TRIM61: variants seen among roughly 807,000 people sequenced by gnomAD.
TRIM61 encodes tripartite motif containing 61, also known as putative tripartite motif-containing protein 61.
TRIM61 carries 1 observed loss-of-function variant against 14.2 expected under a neutral mutation model. The observed-to-expected ratio is 0.07, with a 90% CI of 0.03 to 0.33. The LOEUF (loss-of-function observed/expected upper bound fraction) is 0.33. Ranked by LOEUF, TRIM61 falls within the 10% of genes least tolerant of loss-of-function variation. The probability of loss-of-function intolerance (pLI) is 0.99; values close to 1 mark genes in which losing one functional copy is unlikely to be tolerated. For missense variants in TRIM61, 19 were observed against 202.2 expected (o/e 0.09, Z 5.49); for synonymous variants, 8 against 71.6 (o/e 0.11, Z 4.49).
At chr4:164,966,221 G>A (rs1732236032) in intron 3 of TRIM61, among the ~76,000 whole-genome samples, 1 of 152,196 alleles carries the variant, frequency 6.6e-6, no homozygotes. Flanking sequence ...AAAGCATACT[G>A]AAGGTCAGTA....
At chr4:164,958,798 G>T (rs576811221) in intron 3 of TRIM61, 2 of 166,968 alleles carry the variant, frequency 1.2e-5, no homozygotes, top group Non-Finnish European at 2.9e-5. Context: ...AACCTCCTGG[G>T]TCATGCCATC....
chr4:164,963,691 C>A (rs966124403), intron 3 of TRIM61, among the ~76,000 whole-genome samples: 1 of 150,618 alleles, frequency 6.6e-6, no homozygotes, highest in Non-Finnish European at 1.5e-5. Context: ...TTGTAGTAAG[C>A]CGAGATTGTG....
At chr4:164,965,494 C>T (rs1055106135) in intron 3 of TRIM61, among the ~76,000 whole-genome samples, 1 of 136,638 alleles carries the variant, frequency 7.3e-6, no homozygotes, top group African/African-American at 2.8e-5. Flanking sequence ...AGTGCAGTGG[C>T]GCGATCTCGG....
chr4:164,963,744 CAAAA>C (rs70952672), intron 3 of TRIM61, among the ~76,000 whole-genome samples: 4 of 117,104 alleles, frequency 3.4e-5, no homozygotes, highest in Non-Finnish European at 5.5e-5. Context: ...AACTCTGTTT[CAAAA>C]AAAAAAAAAA....
At chr4:164,975,289 T>C (rs1404444857) in intron 2 of TRIM61, among the ~76,000 whole-genome samples, 2 of 149,726 alleles carry the variant, frequency 1.3e-5, no homozygotes, top group African/African-American at 4.9e-5. Flanking sequence ...CAGAGCATCA[T>C]TGCAAAAAAT....
intron 2 of TRIM61, among the ~76,000 whole-genome samples, chr4:164,973,719 C>G (rs1384510562): frequency 6.6e-6 from 1 of 152,150 alleles, no homozygotes; most frequent in Non-Finnish European, 1.5e-5. Context: ...GCATTTAACC[C>G]ATGTACAATA....
chr4:164,955,834 T>G (rs1172115692), intron 3 of TRIM61, among the ~76,000 whole-genome samples: 4 of 151,910 alleles, frequency 2.6e-5, no homozygotes, highest in Non-Finnish European at 5.9e-5. Flanking sequence ...TTAAACTAAT[T>G]TGGCAGTTTT....
chr4:164,962,257 G>A (rs921073878), intron 3 of TRIM61, among the ~76,000 whole-genome samples: 1 of 136,456 alleles, frequency 7.3e-6, no homozygotes, highest in East Asian at 2.1e-4. Context: ...GTGTTGCTCT[G>A]TCACCCAGGC....
chr4:164,963,191 G>A (rs898738912), intron 3 of TRIM61, among the ~76,000 whole-genome samples: 1 of 152,066 alleles, frequency 6.6e-6, no homozygotes, highest in African/African-American at 2.4e-5. Flanking sequence ...CTGTGATTCT[G>A]CCTATGAATA....
At chr4:164,957,076 C>A in intron 3 of TRIM61, 2 of 1,540,446 alleles carry the variant, frequency 1.3e-6, no homozygotes, top group East Asian at 2.4e-5. Flanking sequence ...CCGGACCCAG[C>A]GCCTGGAGAG....
At chr4:164,973,554 AT>A in intron 2 of TRIM61, among the ~76,000 whole-genome samples, 1 of 152,346 alleles carries the variant, frequency 6.6e-6, no homozygotes, top group Middle Eastern at 3.4e-3. Context: ...ACCTAACAGA[AT>A]TGGGTTTTCA....
At chr4:164,963,360 G>A (rs1298432044) in intron 3 of TRIM61, among the ~76,000 whole-genome samples, 2 of 152,120 alleles carry the variant, frequency 1.3e-5, no homozygotes, top group Non-Finnish European at 2.9e-5. Flanking sequence ...AACAGAGAAC[G>A]CAAAATAAGC....
intron 3 of TRIM61, among the ~76,000 whole-genome samples, chr4:164,960,917 C>G (rs1164922953): frequency 6.6e-6 from 1 of 151,866 alleles, no homozygotes; most frequent in East Asian, 1.9e-4. Flanking sequence ...TGCCACTGCA[C>G]TCAAACCTGG....
intron 3 of TRIM61, 167 bp downstream of exon 3, chr4:164,968,114 T>C (rs1732279898): frequency 8.4e-6 from 8 of 957,964 alleles, no homozygotes; most frequent in Non-Finnish European, 9.9e-6. Context: ...ATCCTGGCCA[T>C]TGCACTCCAG....
At chr4:164,976,416 T>C (rs754498898) in intron 2 of TRIM61, among the ~76,000 whole-genome samples, 11 of 152,156 alleles carry the variant, frequency 7.2e-5, no homozygotes, top group Non-Finnish European at 1.6e-4. Flanking sequence ...CCAGGTATCA[T>C]TGTGCCCTCC....
rs549969094 is a variant in TRIM61 at position 164,971,222 on chromosome 4, C to T, written c.-337-883G>A. Among the ~76,000 whole-genome samples the T allele has an allele frequency of 3.3e-5, 5 of 152,192 alleles. No individual in the cohort carries two copies. The East Asian group carries it at 9.6e-4, about 29-fold the overall frequency. ...TTATCACAGTAAGAAGTAAAATGCC[C>T]TTGTTGTTAGGAGATATATCTATAT... On this transcript the variant is annotated intron_variant, in intron 2 of 4. Coordinates refer to ENST00000329314, the MANE Select transcript of TRIM61 (RefSeq NM_001012414.3).
intron 3 of TRIM61, among the ~76,000 whole-genome samples, chr4:164,961,234 C>G (rs558271639): frequency 2.7e-5 from 3 of 112,108 alleles, no homozygotes; most frequent in Non-Finnish European, 5.6e-5. Context: ...AAGGCTTTGG[C>G]AGAAAATAAA....
intron 2 of TRIM61, among the ~76,000 whole-genome samples, chr4:164,972,406 T>G (rs1238402297): frequency 1.3e-5 from 2 of 152,204 alleles, no homozygotes; most frequent in Admixed American, 1.3e-4. Context: ...CATTTGCTTA[T>G]TAGTTCTTTT....
At chr4:164,955,451 C>G (rs1048336622) in intron 3 of TRIM61, among the ~76,000 whole-genome samples, 4 of 151,568 alleles carry the variant, frequency 2.6e-5, no homozygotes, top group African/African-American at 9.7e-5. Flanking sequence ...AGACTGCAAC[C>G]CGAGTAGTGT....
Sources: gnomAD v4.1 joint callset for allele counts (sites outside exome capture counted in the v4.1 genomes callset) on GRCh38, gnomAD v4.1.1 for gene constraint, MANE v1.5 for transcripts, NCBI Gene and HGNC (gene_info 2026-07-23, HGNC 2026-07-21) for gene names.